Variants in C3orf22 observed in about 807,000 individuals in gnomAD.
C3orf22 encodes the protein uncharacterized protein C3orf22.
C3orf22 carries 7 observed loss-of-function variants against 10.8 expected under a neutral mutation model. The ratio of observed to expected loss-of-function variants is 0.65; its 90% CI spans 0.37 to 1.22. The LOEUF (loss-of-function observed/expected upper bound fraction) is 1.22. C3orf22 is among the 50% of genes most tolerant of loss of function. The probability of loss-of-function intolerance (pLI) is 0.02; values close to 1 mark genes in which losing one functional copy is unlikely to be tolerated. For missense variants in C3orf22, 173 were observed against 177.0 expected (o/e 0.98, Z 0.13); for synonymous variants, 79 against 78.9 (o/e 1.00, Z 0.00).
chr3:126,539,430 C>T (rs371541387), intron 4 of C3orf22, among the ~76,000 whole-genome samples: 2 of 151,824 alleles, frequency 1.3e-5, no homozygotes, highest in South Asian at 4.1e-4. Flanking sequence ...TGTGCAGGAG[C>T]GTACATGGAC....
chr3:126,536,927 CA>C (rs1936808687), intron 4 of C3orf22, among the ~76,000 whole-genome samples: 3 of 144,406 alleles, frequency 2.1e-5, no homozygotes, highest in East Asian at 1.9e-4. Flanking sequence ...ACACACACCC[CA>C]CACACACAAG....
chr3:126,542,187 C>T (rs1936976057), intron 4 of C3orf22: 1 of 1,438,420 alleles, frequency 7.0e-7, no homozygotes, highest in Admixed American at 3.0e-5. Flanking sequence ...CGGCCGCGCG[C>T]GCTCCCCGAC....
At chr3:126,530,402 G>A (rs151324583) in intron 4 of C3orf22, among the ~76,000 whole-genome samples, 6 of 152,360 alleles carry the variant, frequency 3.9e-5, no homozygotes, top group African/African-American at 9.6e-5. Context: ...GGGAGCCTCC[G>A]AGTAGCAGGG....
intron 1 of C3orf22, among the ~76,000 whole-genome samples, chr3:126,553,902 G>T (rs2107583523): frequency 6.6e-6 from 1 of 152,342 alleles, no homozygotes. Flanking sequence ...CAGGCCTCCA[G>T]CTTGGGGCAC....
intron 1 of C3orf22, among the ~76,000 whole-genome samples, chr3:126,555,971 G>A (rs1230198121): frequency 6.6e-6 from 1 of 152,180 alleles, no homozygotes; most frequent in African/African-American, 2.4e-5. Context: ...GCAACATCGG[G>A]ACAGCCCAGC....
intron 4 of C3orf22, among the ~76,000 whole-genome samples, chr3:126,544,313 C>G (rs1183736736): frequency 6.6e-6 from 1 of 152,168 alleles, no homozygotes; most frequent in Non-Finnish European, 1.5e-5. Context: ...CAGATGCAGT[C>G]CCTAACGCTG....
At chr3:126,542,172 G>A (rs1576238559) in intron 4 of C3orf22, 3 of 1,466,074 alleles carry the variant, frequency 2.0e-6, no homozygotes, top group Middle Eastern at 1.8e-4. Flanking sequence ...ATCGTTCAGC[G>A]CCTGCGGCCG....
chr3:126,542,354 G>C (rs768079076), intron 4 of C3orf22: 2 of 1,566,954 alleles, frequency 1.3e-6, no homozygotes, highest in Non-Finnish European at 1.7e-6. Context: ...GGGCAAGTTC[G>C]AGACGCTGGC....
chr3:126,558,579 C>T (rs1937407983), intron 1 of C3orf22, 48 bp downstream of exon 1: 1 of 152,478 alleles, frequency 6.6e-6, no homozygotes, highest in Non-Finnish European at 1.5e-5. Flanking sequence ...AAGTCCCTAA[C>T]CGACTTGGGG....
At chr3:126,556,880 ACAGACTCACACACATGCT>A (rs1410966592) in intron 1 of C3orf22, among the ~76,000 whole-genome samples, 4 of 150,774 alleles carry the variant, frequency 2.7e-5, no homozygotes, top group East Asian at 2.0e-4. Context: ...ACACACACAC[ACAGACTCACACACATGCT>A]CAGACTCACA....
intron 4 of C3orf22, among the ~76,000 whole-genome samples, chr3:126,534,020 G>A (rs1219211138): frequency 1.3e-5 from 2 of 152,148 alleles, no homozygotes; most frequent in South Asian, 2.1e-4. Context: ...ATTGTTCAGA[G>A]TTCTCTTGTA....
chr3:126,552,887 T>C (rs1253678866), intron 2 of C3orf22, among the ~76,000 whole-genome samples: 7 of 152,356 alleles, frequency 4.6e-5, no homozygotes, highest in Admixed American at 2.0e-4. Context: ...TCTGTCCTTA[T>C]GTGAAGTGCC....
At position 126,552,101 on chromosome 3, in the gene C3orf22, G is replaced by C. The variant is rs535805313; in HGVS notation, c.111C>G (p.Pro37=). The C allele has an allele frequency of 3.7e-6, 6 of 1,613,688 alleles. No individual in the cohort carries two copies. The South Asian group carries it at 4.4e-5, about 12-fold the overall frequency. Residue 37 remains proline (P), a synonymous_variant, in exon 3 of 4, where the codon CCC becomes CCG. Transcript: ENST00000318225. The part of the protein sequence containing the change: ...FPYRLSWLTE[P]DPEPLQPWEV... ...CCCAGGGCTGCAGGGGCTCAGGGTCGGGCTCTGTCAGCCACGACAACCTGC... is the reference window on the plus strand; with the variant it reads ...CCCAGGGCTGCAGGGGCTCAGGGTCCGGCTCTGTCAGCCACGACAACCTGC...
chr3:126,541,950 G>C, intron 4 of C3orf22: 1 of 1,586,898 alleles, frequency 6.3e-7, no homozygotes, highest in Non-Finnish European at 8.6e-7. Flanking sequence ...CAAGCCCGCG[G>C]CGACCCGCGC....
intron 1 of C3orf22, among the ~76,000 whole-genome samples, chr3:126,555,027 G>T (rs1295067403): frequency 2.0e-5 from 3 of 152,214 alleles, no homozygotes. Context: ...GTTTTCAGTT[G>T]TATTTAATTC....
intron 4 of C3orf22, among the ~76,000 whole-genome samples, chr3:126,537,358 G>T (rs2107569234): frequency 6.6e-6 from 1 of 152,346 alleles, no homozygotes; most frequent in Admixed American, 6.5e-5. Context: ...GGCCCTGCAG[G>T]TGTGCAAGGG....
chr3:126,541,347 T>G (rs1475523338), intron 4 of C3orf22, among the ~76,000 whole-genome samples: 2 of 152,180 alleles, frequency 1.3e-5, no homozygotes, highest in Non-Finnish European at 2.9e-5. Flanking sequence ...CAATTGGGTG[T>G]GGAATTAAAC....
downstream of C3orf22, chr3:126,549,572 G>T: frequency 9.0e-7 from 1 of 1,113,166 alleles, no homozygotes; most frequent in Non-Finnish European, 1.2e-6. Flanking sequence ...AGTCCTAGAA[G>T]TGACATTCAT....
At chr3:126,533,206 ACCTGGATG>A (rs1423647690) in intron 4 of C3orf22, among the ~76,000 whole-genome samples, 7 of 152,070 alleles carry the variant, frequency 4.6e-5, no homozygotes, top group Non-Finnish European at 1.0e-4. Context: ...TTACTTTCCA[ACCTGGATG>A]CCTTTTATTT....
Sources: gnomAD v4.1 joint callset for allele counts (sites outside exome capture counted in the v4.1 genomes callset) on GRCh38, gnomAD v4.1.1 for gene constraint, MANE v1.5 for transcripts, NCBI Gene and HGNC (gene_info 2026-07-23, HGNC 2026-07-21) for gene names.